RSU1: variants seen among roughly 807,000 people sequenced by gnomAD.
RSU1 encodes rsu-1.
A neutral mutation model predicts 31.1 loss-of-function variants in RSU1; 26 were observed. That is an observed-to-expected ratio of 0.84 (90% CI 0.61 to 1.16). RSU1 has a LOEUF of 1.16. RSU1 is among the 50% of genes most tolerant of loss of function. RSU1 has a pLI of 0.00. For synonymous variants in RSU1, 164 were observed against 136.3 expected (o/e 1.20, Z -1.41); for missense variants, 320 against 339.1 (o/e 0.94, Z 0.44).
rs889960051 is a variant in RSU1, at chr10:16,645,792, GCGAGACT to G, written c.731+49224_731+49230del. Among the ~76,000 whole-genome samples the G allele has an allele frequency of 1.7e-3, 248 of 148,902 alleles. 1 individual carries two copies. Among genetic ancestry groups the G allele is most frequent in the Non-Finnish European group, 3.3e-4 (22 of 67,468 alleles). On this transcript the variant is annotated intron_variant, in intron 8 of 8. Transcript: ENST00000345264. ...ACTGCACTCCAGCCTGGACGACAGAGCGAGACTCTGTCACAAAAAAAACAACAAAAAC... is the reference window on the plus strand; with the variant it reads ...ACTGCACTCCAGCCTGGACGACAGAGCTGTCACAAAAAAAACAACAAAAAC...
intron 7 of RSU1, among the ~76,000 whole-genome samples, chr10:16,702,342 A>G (rs1240144102): frequency 1.3e-5 from 2 of 152,154 alleles, no homozygotes; most frequent in African/African-American, 4.8e-5. Flanking sequence ...AGGACCACCA[A>G]CCTCTAGACC....
At chr10:16,638,333 A>T (rs1011885316) in intron 8 of RSU1, among the ~76,000 whole-genome samples, 8 of 152,120 alleles carry the variant, frequency 5.3e-5, no homozygotes, top group African/African-American at 1.9e-4. Flanking sequence ...ACCTTTTAAC[A>T]TCCTTGTGTC....
chr10:16,755,081 T>A, intron 4 of RSU1, 92 bp from the exon 5 acceptor site: 1 of 706,060 alleles, frequency 1.4e-6, no homozygotes, highest in Non-Finnish European at 2.5e-6. Context: ...GCTGAAAGTG[T>A]AAGACAGTGC....
intron 2 of RSU1, among the ~76,000 whole-genome samples, chr10:16,809,678 C>A (rs1838361793): frequency 6.6e-6 from 1 of 152,162 alleles, no homozygotes; most frequent in African/African-American, 2.4e-5. Context: ...CATCTCTAGT[C>A]TTTTCTCTAA....
chr10:16,694,262 C>T (rs1835629192), intron 8 of RSU1, among the ~76,000 whole-genome samples: 2 of 152,302 alleles, frequency 1.3e-5, no homozygotes, highest in Non-Finnish European at 1.5e-5. Flanking sequence ...CTCCTGCCTT[C>T]CCCTTTTCTC....
intron 8 of RSU1, among the ~76,000 whole-genome samples, chr10:16,636,860 AC>A (rs1307667103): frequency 6.6e-6 from 1 of 151,572 alleles, no homozygotes; most frequent in Non-Finnish European, 1.5e-5. Flanking sequence ...CACATCCCCT[AC>A]CCCTCACATT....
At chr10:16,617,636 G>A (rs1834000487) in intron 8 of RSU1, among the ~76,000 whole-genome samples, 1 of 152,142 alleles carries the variant, frequency 6.6e-6, no homozygotes, top group African/African-American at 2.4e-5. Context: ...TATCAAAACA[G>A]ATATATAGAC....
rs528639274 is a variant in RSU1, at chr10:16,767,007, G to A, written c.161-2497C>T. ...TTACACTCCAGCCCGGGTGACAAGAGTGAAACTCTATGTCCAAAAAAAAAA... is the reference window on the plus strand; with the variant it reads ...TTACACTCCAGCCCGGGTGACAAGAATGAAACTCTATGTCCAAAAAAAAAA... On this transcript the variant is annotated intron_variant, in intron 3 of 8. Coordinates refer to ENST00000345264, the MANE Select transcript of RSU1 (RefSeq NM_012425.4). Among the ~76,000 whole-genome samples the A allele has an allele frequency of 6.7e-5, 10 of 148,858 alleles. No individual in the cohort carries two copies. The East Asian group carries it at 1.6e-3, about 24-fold the overall frequency.
rs573301430 is a variant in RSU1 at position 16,626,056 on chromosome 10, T to A, written c.732-32560A>T. On this transcript the variant is annotated intron_variant, in intron 8 of 8. Transcript: ENST00000345264. ...CAATCCTTTTCCTTTTTTCTTTTTTTTTTTTTGAGACAAGGTCTCACTCCG... is the reference window on the plus strand; with the variant it reads ...CAATCCTTTTCCTTTTTTCTTTTTTATTTTTTGAGACAAGGTCTCACTCCG... 2.6e-5 allele frequency among the ~76,000 whole-genome samples: 4 copies of A among 152,136 alleles called. No individual in the cohort carries two copies. In the South Asian group the frequency reaches 8.3e-4, roughly 32 times the overall value.
intron 8 of RSU1, among the ~76,000 whole-genome samples, chr10:16,640,097 A>T (rs1218284155): frequency 6.6e-6 from 1 of 152,186 alleles, no homozygotes; most frequent in Non-Finnish European, 1.5e-5. Flanking sequence ...TAAACCAGAA[A>T]ATCAGAAAAA....
chr10:16,811,777 C>A (rs1215904071), intron 2 of RSU1, among the ~76,000 whole-genome samples: 1 of 152,214 alleles, frequency 6.6e-6, no homozygotes, highest in Non-Finnish European at 1.5e-5. Context: ...AGGAAGGAGA[C>A]AGAGTACATG....
intron 8 of RSU1, among the ~76,000 whole-genome samples, chr10:16,604,732 G>C (rs1001662893): frequency 1.3e-5 from 2 of 152,092 alleles, no homozygotes; most frequent in Non-Finnish European, 2.9e-5. Flanking sequence ...CAGACTCCGG[G>C]GTCTGGCTGT....
At chr10:16,656,879 G>A (rs932182040) in intron 8 of RSU1, among the ~76,000 whole-genome samples, 2 of 152,294 alleles carry the variant, frequency 1.3e-5, no homozygotes, top group Admixed American at 1.3e-4. Context: ...AACAAAATTA[G>A]TAATGAGCAG....
intron 8 of RSU1, among the ~76,000 whole-genome samples, chr10:16,676,088 AG>A (rs1328188364): frequency 2.0e-5 from 3 of 152,350 alleles, no homozygotes; most frequent in African/African-American, 7.2e-5. Flanking sequence ...GACAAATACT[AG>A]TAAGTATTCT....
At chr10:16,681,269 A>G (rs935087820) in intron 8 of RSU1, among the ~76,000 whole-genome samples, 1 of 152,206 alleles carries the variant, frequency 6.6e-6, no homozygotes, top group African/African-American at 2.4e-5. Context: ...TTTATCTGAT[A>G]ATAAATTTTT....
chr10:16,613,521 A>G (rs1214008767), intron 8 of RSU1, among the ~76,000 whole-genome samples: 1 of 152,172 alleles, frequency 6.6e-6, no homozygotes, highest in Non-Finnish European at 1.5e-5. Flanking sequence ...TGATTAGACT[A>G]TTAGCTCTGA....
Position 16,624,482 on chromosome 10 carries a change from C to G in RSU1, c.732-30986G>C, listed in dbSNP as rs1044028112. ...TGTCAATCCTCCCTCTGAACTCCAG[C>G]TTTCAGCCTGCCAGGTGGTCCGTAA... is the stretch of plus-strand genomic sequence containing the variant. On this transcript the variant is annotated intron_variant, in intron 8 of 8. Transcript: ENST00000345264. Among the ~76,000 whole-genome samples the G allele has an allele frequency of 3.9e-5, 6 of 152,254 alleles. No homozygotes were observed. The South Asian group carries it at 6.2e-4, about 16-fold the overall frequency.
chr10:16,815,717 G>A (rs1367579764), intron 2 of RSU1, among the ~76,000 whole-genome samples: 5 of 152,216 alleles, frequency 3.3e-5, no homozygotes, highest in Non-Finnish European at 7.3e-5. Context: ...TGTGAGAGGA[G>A]TCACAAAGCA....
chr10:16,730,759 T>G (rs1337697974), intron 7 of RSU1, among the ~76,000 whole-genome samples: 6 of 152,190 alleles, frequency 3.9e-5, no homozygotes, highest in Admixed American at 3.9e-4. Flanking sequence ...TAACCAATAA[T>G]TTTTTCATTT....
Sources: gnomAD v4.1 joint callset for allele counts (sites outside exome capture counted in the v4.1 genomes callset) on GRCh38, gnomAD v4.1.1 for gene constraint, MANE v1.5 for transcripts, NCBI Gene and HGNC (gene_info 2026-07-23, HGNC 2026-07-21) for gene names.